SCARA5: variants seen among roughly 807,000 people sequenced by gnomAD.
SCARA5 encodes the protein scavenger receptor class A member 5.
In SCARA5, 45 loss-of-function variants were observed where a neutral mutation model predicts 46.3. The observed-to-expected ratio is 0.97, with a 90% CI of 0.76 to 1.24. The LOEUF (loss-of-function observed/expected upper bound fraction) is 1.24, where lower values mean the gene tolerates loss of function less well. SCARA5 is among the 50% of genes most tolerant of loss of function. SCARA5 has a pLI of 0.00. For synonymous variants in SCARA5, 333 were observed against 306.5 expected (o/e 1.09, Z -0.90); for missense variants, 680 against 689.0 (o/e 0.99, Z 0.15).
At chr8:27,910,686 C>T (rs1807359080) in intron 4 of SCARA5, among the ~76,000 whole-genome samples, 1 of 152,182 alleles carries the variant, frequency 6.6e-6, no homozygotes, top group Non-Finnish European at 1.5e-5. Flanking sequence ...GTGCGGCCAT[C>T]AGAGGGATGT....
Position 27,909,740 on chromosome 8 carries a change from G to A in SCARA5, c.920C>T (p.Pro307Leu). The A allele has an allele frequency of 6.4e-7, 1 of 1,550,916 alleles. No homozygotes were observed. The highest frequency in any genetic ancestry group is 8.7e-7 in the Non-Finnish European group (1 of 1,146,606). The change falls in exon 5 of 9, where the codon CCA becomes CTA. Residue 307 changes from proline to leucine, a missense_variant. Physicochemically the swap from Pro to Leu is moderately conservative, Grantham distance 98. Around this residue, in one of 3 missense-constraint regions of SCARA5, gnomAD observed 438 missense variants for 384.5 expected, o/e 1.14. Transcript: ENST00000354914. ...CCCCTGATCACCTTTGGGTCCCGGT[G>A]GCCCTGGAAAGGCAAAAACAGCACT... is the stretch of plus-strand genomic sequence containing the variant. ...ALRNISLAKG[P>L]PGPKGDQGDE...
rs2685334 is a variant in SCARA5 at position 27,915,311 on chromosome 8, C to A, written c.917-5568G>T. Among the ~76,000 whole-genome samples the A allele has an allele frequency of 1.8e-3, 279 of 152,102 alleles. 1 individual carries two copies. Among genetic ancestry groups the A allele is most frequent in the African/African-American group, 6.4e-3 (264 of 41,486 alleles). ...AAGGTGCTGGGACTGCCCTTGCTAC[C>A]GTCCTCCGAGCCCCCAATGGAGGGT... is the stretch of plus-strand genomic sequence containing the variant. On this transcript the variant is annotated intron_variant, in intron 4 of 8. Coordinates refer to ENST00000354914, the MANE Select transcript of SCARA5 (RefSeq NM_173833.6).
chr8:27,982,558 G>A (rs919378167), intron 2 of SCARA5, among the ~76,000 whole-genome samples: 4 of 152,170 alleles, frequency 2.6e-5, no homozygotes, highest in Non-Finnish European at 4.4e-5. Flanking sequence ...GAGGATGCTC[G>A]GCTATTGCCC....
intron 4 of SCARA5, among the ~76,000 whole-genome samples, chr8:27,911,089 GTGAGCCCA>G (rs905122112): frequency 5.8e-4 from 89 of 152,302 alleles, no homozygotes; most frequent in African/African-American, 2.0e-3. Flanking sequence ...TCCCAAGCTA[GTGAGCCCA>G]TGAGCCCTCC....
intron 2 of SCARA5, among the ~76,000 whole-genome samples, chr8:27,972,868 G>C (rs752286082): frequency 2.0e-5 from 3 of 151,852 alleles, no homozygotes; most frequent in Non-Finnish European, 4.4e-5. Context: ...CTCCCAAAAA[G>C]AGAAAAAAGT....
At chr8:27,885,839 C>T (rs1052719428) in intron 7 of SCARA5, among the ~76,000 whole-genome samples, 3 of 152,164 alleles carry the variant, frequency 2.0e-5, no homozygotes, top group Non-Finnish European at 4.4e-5. Context: ...TGGAAAATGT[C>T]ATTTGGATGC....
intron 8 of SCARA5, among the ~76,000 whole-genome samples, chr8:27,872,658 C>A (rs550872554): frequency 6.6e-6 from 1 of 152,274 alleles, no homozygotes; most frequent in East Asian, 1.9e-4. Flanking sequence ...CACAATAAGC[C>A]CTTTGAGGCA....
intron 7 of SCARA5, among the ~76,000 whole-genome samples, chr8:27,896,129 A>C (rs1013611463): frequency 2.0e-5 from 3 of 152,202 alleles, no homozygotes; most frequent in African/African-American, 7.2e-5. Flanking sequence ...AGAGTCAACA[A>C]GCATTTAAAA....
intron 7 of SCARA5, among the ~76,000 whole-genome samples, chr8:27,901,374 G>A (rs532178187): frequency 3.5e-4 from 54 of 152,290 alleles, no homozygotes; most frequent in African/African-American, 1.3e-3. Flanking sequence ...CCCGCACGAT[G>A]TTGGCTTGTG....
chr8:27,901,451 C>T (rs1011773312), intron 7 of SCARA5, among the ~76,000 whole-genome samples: 1 of 152,094 alleles, frequency 6.6e-6, no homozygotes, highest in East Asian at 1.9e-4. Flanking sequence ...GGTGGGGCTT[C>T]CCAGGGCGCA....
chr8:27,968,434 C>T (rs139859220), intron 2 of SCARA5, among the ~76,000 whole-genome samples: 7 of 152,224 alleles, frequency 4.6e-5, no homozygotes, highest in Admixed American at 1.3e-4. Flanking sequence ...TCACCCTAAA[C>T]CTTTTCTGGG....
At chr8:27,892,601 TCAC>T (rs1330695851) in intron 7 of SCARA5, among the ~76,000 whole-genome samples, 1 of 137,248 alleles carries the variant, frequency 7.3e-6, no homozygotes, top group Non-Finnish European at 1.6e-5. Context: ...TCTCCATACC[TCAC>T]CCTTTTTTTT....
rs754282208 is a variant in SCARA5 at position 27,871,983 on chromosome 8, G to T, written c.1439C>A (p.Thr480Lys). ...GGCATCTTCGGCATGTCCACAGTTT[G>T]TCACCCCCCATTTGGAGAAGCTGCA... ...FRCSFSKWGV[T>K]NCGHAEDASV... Residue 480 changes from threonine to lysine, a missense_variant, in exon 9 of 9, where the codon ACA (threonine) becomes AAA (lysine). Physicochemically the swap from Thr to Lys is moderately conservative, Grantham distance 78 (BLOSUM62 -1). This residue lies in a region of SCARA5 where 219 missense variants were observed against 269.5 expected (regional missense o/e 0.81). Coordinates refer to ENST00000354914, the MANE Select transcript of SCARA5 (RefSeq NM_173833.6). 1 of 1,614,268 alleles carries T rather than the reference G, an allele frequency of 6.2e-7. No homozygotes were observed. The highest frequency in any genetic ancestry group is 1.1e-5 in the South Asian group (1 of 91,086).
intron 7 of SCARA5, among the ~76,000 whole-genome samples, chr8:27,885,134 G>A (rs1806874480): frequency 6.6e-6 from 1 of 151,916 alleles, no homozygotes; most frequent in Admixed American, 6.6e-5. Context: ...GTGGACAAGG[G>A]AGGGAATGAG....
Position 27,921,949 on chromosome 8 carries a change from T to G in SCARA5, c.538A>C (p.Thr180Pro), listed in dbSNP as rs554566226. 1.3e-4 allele frequency: 196 copies of G among 1,544,420 alleles called. No individual in the cohort carries two copies. In the East Asian group the frequency reaches 4.6e-3, roughly 37 times the overall value. Residue 180 changes from threonine (T) to proline (P), a missense_variant, in exon 4 of 9, where the codon ACG (threonine) becomes CCG (proline). Thr to Pro is a conservative substitution (Grantham distance 38). Around this residue, in one of 3 missense-constraint regions of SCARA5, gnomAD observed 438 missense variants for 384.5 expected, o/e 1.14. Coordinates refer to ENST00000354914, the MANE Select transcript of SCARA5 (RefSeq NM_173833.6). Reference protein sequence around the residue: ...LRDRTGQQSDTAQLELYQLQV... With the variant: ...LRDRTGQQSDPAQLELYQLQV... ...AGCTGGTAGAGCTCCAGCTGCGCCG[T>G]GTCGCTCTGCTGGCCCGTGCGGTCC... is the stretch of plus-strand genomic sequence containing the variant.
At chr8:27,987,683 CAG>C in intron 1 of SCARA5, 53 bp from the exon 2 acceptor site, 1 of 1,064,498 alleles carries the variant, frequency 9.4e-7, no homozygotes, top group Non-Finnish European at 1.5e-6. Flanking sequence ...GGGAGAGAGA[CAG>C]AGAATCAACT....
At chr8:27,989,022 A>C (rs1022576181) in intron 1 of SCARA5, among the ~76,000 whole-genome samples, 1 of 151,790 alleles carries the variant, frequency 6.6e-6, no homozygotes, top group Non-Finnish European at 1.5e-5. Context: ...GGCAACTTTC[A>C]TAAATAGACA....
At chr8:27,963,390 C>T (rs187335291) in intron 3 of SCARA5, among the ~76,000 whole-genome samples, 21 of 152,268 alleles carry the variant, frequency 1.4e-4, no homozygotes, top group Admixed American at 2.6e-4. Flanking sequence ...TAATAGGGAA[C>T]GGTCAGCCAA....
At position 27,971,708 on chromosome 8, in the gene SCARA5, C is replaced by T. The variant is rs565167625; in HGVS notation, c.113-5166G>A. On this transcript the variant is annotated intron_variant, in intron 2 of 8. Coordinates refer to ENST00000354914, the MANE Select transcript of SCARA5 (RefSeq NM_173833.6). ...GCCAAGAGGTCTAGAGAGGGCAAGG[C>T]CAGTGGCTCTGAGCAAATAAATAGA... 3.3e-5 allele frequency among the ~76,000 whole-genome samples: 5 copies of T among 152,118 alleles called. No homozygotes were observed. The South Asian group carries it at 6.2e-4, about 19-fold the overall frequency.
Sources: gnomAD v4.1 joint callset for allele counts (sites outside exome capture counted in the v4.1 genomes callset) on GRCh38, gnomAD v4.1.1 for gene constraint, gnomAD v4.1.1 regional missense constraint, MANE v1.5 for transcripts, NCBI Gene and HGNC (gene_info 2026-07-23, HGNC 2026-07-21) for gene names.